The following METTL15 variants were observed in gnomAD, a reference collection of about 807,000 sequenced individuals.
METTL15 encodes methyltransferase 15, mitochondrial 12S rRNA N4-cytidine.
METTL15 carries 34 observed loss-of-function variants against 38.3 expected under a neutral mutation model. The ratio of observed to expected loss-of-function variants is 0.89; its 90% CI spans 0.68 to 1.18. METTL15 has a LOEUF of 1.18. Among genes scored for constraint, METTL15 ranks in the 50% most tolerant of loss-of-function variants. METTL15 has a pLI of 0.00. For missense variants in METTL15, 438 were observed against 498.4 expected, an observed-to-expected ratio of 0.88 and a Z score of 1.15; for synonymous variants, 162 against 170.9, an observed-to-expected ratio of 0.95 and a Z score of 0.41.
At chr11:28,238,997 T>C (rs1854164247) in intron 4 of METTL15, among the ~76,000 whole-genome samples, 1 of 152,168 alleles carries the variant, frequency 6.6e-6, no homozygotes, top group Non-Finnish European at 1.5e-5. Flanking sequence ...CTTGTCAAAC[T>C]CTTCATGTGT....
At chr11:28,248,351 AT>A (rs1418528093) in intron 4 of METTL15, among the ~76,000 whole-genome samples, 2 of 151,976 alleles carry the variant, frequency 1.3e-5, no homozygotes, top group Non-Finnish European at 2.9e-5. Context: ...AGTTGGGGTA[AT>A]TTTTGGCTGA....
intron 6 of METTL15, among the ~76,000 whole-genome samples, chr11:28,474,106 A>G (rs1016443564): frequency 6.6e-6 from 1 of 152,060 alleles, no homozygotes; most frequent in Non-Finnish European, 1.5e-5. Flanking sequence ...ACAAATACAC[A>G]TGTATATACA....
intron 6 of METTL15, among the ~76,000 whole-genome samples, chr11:28,432,372 A>T (rs1057317216): frequency 3.3e-5 from 5 of 152,244 alleles, no homozygotes; most frequent in Non-Finnish European, 7.3e-5. Context: ...GTAATCATTC[A>T]ACTAAGTCTA....
At chr11:28,176,092 CAGT>C (rs1268728364) in intron 3 of METTL15, among the ~76,000 whole-genome samples, 2 of 151,574 alleles carry the variant, frequency 1.3e-5, no homozygotes, top group Non-Finnish European at 2.9e-5. Context: ...GGAATAATGG[CAGT>C]GGTGGAAGGA....
At chr11:28,411,000 C>T (rs930983506) in intron 5 of METTL15, among the ~76,000 whole-genome samples, 5 of 151,756 alleles carry the variant, frequency 3.3e-5, no homozygotes, top group Non-Finnish European at 5.9e-5. Context: ...TTTTAAATTC[C>T]GTTTACAATA....
intron 6 of METTL15, among the ~76,000 whole-genome samples, chr11:28,456,399 T>C (rs1851169202): frequency 6.6e-6 from 1 of 152,028 alleles, no homozygotes; most frequent in Admixed American, 6.6e-5. Flanking sequence ...ATGCTACTTC[T>C]TGTATCATAG....
At chr11:28,341,648 T>G (rs1036097966) in intron 3 of METTL15, among the ~76,000 whole-genome samples, 1 of 152,186 alleles carries the variant, frequency 6.6e-6, no homozygotes, top group African/African-American at 2.4e-5. Flanking sequence ...ATACAAGAGT[T>G]AAATAGGGTA....
At chr11:28,363,071 A>G (rs974561220) in intron 5 of METTL15, among the ~76,000 whole-genome samples, 1 of 152,218 alleles carries the variant, frequency 6.6e-6, no homozygotes, top group Non-Finnish European at 1.5e-5. Context: ...GAGATAGTAT[A>G]TAATCGTGAT....
rs1219656945 is a variant in METTL15 at position 28,332,486 on chromosome 11, A to G, written c.*1645A>G. The G allele has an allele frequency of 6.6e-6, 1 of 151,660 alleles. No homozygotes were observed. Among genetic ancestry groups the G allele is most frequent in the Admixed American group, 6.6e-5 (1 of 15,234 alleles). The allele number at this position is 151,660 out of a possible 1,614,324, so 9.4% of individuals were successfully genotyped here. A position where few individuals can be genotyped will look rare whatever the true frequency, so the allele number is the denominator to read the frequency against. On this transcript the variant is annotated 3_prime_UTR_variant, in exon 7 of 7. Transcript: ENST00000407364. ...TAGTATGGGAATTATTTTTTATGTT[A>G]AATAGAAACTGAATGTACTGGGTTG...
intron 5 of METTL15, among the ~76,000 whole-genome samples, chr11:28,366,885 A>G (rs1471179700): frequency 6.6e-6 from 1 of 152,150 alleles, no homozygotes; most frequent in East Asian, 1.9e-4. Context: ...CTTTATGAGA[A>G]CTCCACAAAT....
At chr11:28,404,605 T>C (rs570273389) in intron 5 of METTL15, among the ~76,000 whole-genome samples, 1 of 152,202 alleles carries the variant, frequency 6.6e-6, no homozygotes, top group South Asian at 2.1e-4. Flanking sequence ...ATCACATTGG[T>C]GATTAGGTTT....
At chr11:28,440,947 A>T (rs1327089521) in intron 6 of METTL15, among the ~76,000 whole-genome samples, 2 of 152,124 alleles carry the variant, frequency 1.3e-5, no homozygotes, top group South Asian at 2.1e-4. Context: ...GCCCAAACTG[A>T]GATGTGCTGT....
intron 6 of METTL15, among the ~76,000 whole-genome samples, chr11:28,478,556 CT>C (rs1487939696): frequency 6.6e-6 from 1 of 152,120 alleles, no homozygotes; most frequent in African/African-American, 2.4e-5. Flanking sequence ...TTATCTCCAA[CT>C]TTTTTATGTC....
At chr11:28,294,229 G>A (rs1269745219) in intron 5 of METTL15, among the ~76,000 whole-genome samples, 2 of 152,028 alleles carry the variant, frequency 1.3e-5, no homozygotes, top group African/African-American at 4.8e-5. Flanking sequence ...TGAAGAAAGT[G>A]TGTGACATTT....
intron 6 of METTL15, among the ~76,000 whole-genome samples, chr11:28,481,199 T>C (rs1489074823): frequency 7.2e-5 from 11 of 152,022 alleles, no homozygotes; most frequent in Admixed American, 2.0e-4. Context: ...TTCAGAAAAA[T>C]TTATTTAGTC....
chr11:28,259,934 T>A (rs1424083603), intron 4 of METTL15, among the ~76,000 whole-genome samples: 1 of 152,180 alleles, frequency 6.6e-6, no homozygotes, highest in African/African-American at 2.4e-5. Flanking sequence ...CAACAAGTCC[T>A]TCTTGACTCC....
At chr11:28,272,041 T>C (rs779318842) in intron 4 of METTL15, among the ~76,000 whole-genome samples, 6 of 152,210 alleles carry the variant, frequency 3.9e-5, no homozygotes, top group Non-Finnish European at 8.8e-5. Flanking sequence ...CCAGTTAGAA[T>C]GGCGATCATT....
intron 4 of METTL15, among the ~76,000 whole-genome samples, chr11:28,264,089 G>T (rs906652807): frequency 1.3e-5 from 2 of 152,066 alleles, no homozygotes; most frequent in African/African-American, 2.4e-5. Flanking sequence ...CTGTCACACA[G>T]CTTGTTGATT....
chr11:28,130,010 C>T (rs1211234199), intron 3 of METTL15, among the ~76,000 whole-genome samples: 1 of 152,030 alleles, frequency 6.6e-6, no homozygotes, highest in African/African-American at 2.4e-5. Context: ...AGAGGGCTTT[C>T]ATTTAAAGAG....
Sources: gnomAD v4.1 joint callset for allele counts (sites outside exome capture counted in the v4.1 genomes callset) on GRCh38, gnomAD v4.1.1 for gene constraint, MANE v1.5 for transcripts, NCBI Gene and HGNC (gene_info 2026-07-23, HGNC 2026-07-21) for gene names.